Variants in TENT5D observed in about 807,000 individuals in gnomAD.
TENT5D encodes cancer/testis antigen 112.
For missense variants in TENT5D, 191 were observed against 287.0 expected (o/e 0.67, Z 2.42); for synonymous variants, 103 against 100.6 (o/e 1.02, Z -0.15).
At chrX:80,340,130 A>G (rs985954939) in intron 2 of TENT5D, among the ~76,000 whole-genome samples, 1 of 111,247 alleles carries the variant, frequency 9.0e-6, no homozygotes, top group African/African-American at 3.3e-5. Flanking sequence ...TGTAGGATTC[A>G]AAAATTCTTC....
chrX:80,395,924 C>T (rs1029595157), intron 3 of TENT5D, among the ~76,000 whole-genome samples: 1 of 106,356 alleles, frequency 9.4e-6, no homozygotes, highest in African/African-American at 3.4e-5. Context: ...TTCTTTTTAG[C>T]TTCCACATAT....
chrX:80,404,302 T>C (rs1931440996), intron 3 of TENT5D, among the ~76,000 whole-genome samples: 1 of 111,909 alleles, frequency 8.9e-6, no homozygotes, highest in Non-Finnish European at 1.9e-5. Flanking sequence ...CAATGTGATG[T>C]AATAAAGATA....
chrX:80,392,532 C>T (rs1270519525), intron 3 of TENT5D, among the ~76,000 whole-genome samples: 107 of 43,538 alleles, frequency 2.5e-3, no homozygotes, highest in African/African-American at 0.013. Context: ...TTTTTTGAGA[C>T]GGAGTCTCGC....
chrX:80,406,082 C>A (rs1330177362), intron 3 of TENT5D, among the ~76,000 whole-genome samples: 1 of 109,641 alleles, frequency 9.1e-6, no homozygotes, highest in Non-Finnish European at 1.9e-5. Flanking sequence ...AGGACATCCA[C>A]ACCAAAAACC....
At chrX:80,427,188 T>G (rs753198622) in intron 1 of TENT5D, among the ~76,000 whole-genome samples, 2 of 111,713 alleles carry the variant, frequency 1.8e-5, no homozygotes, top group African/African-American at 3.3e-5. Context: ...TGGTAACTCT[T>G]AGCAATTTTT....
At chrX:80,400,272 G>A (rs1156413627) in intron 3 of TENT5D, among the ~76,000 whole-genome samples, 1 of 111,855 alleles carries the variant, frequency 8.9e-6, no homozygotes, top group Non-Finnish European at 1.9e-5. Context: ...CCTTCTGAAT[G>A]TGTTCTTTAT....
chrX:80,415,388 A>T (rs1931749077), intron 3 of TENT5D, among the ~76,000 whole-genome samples: 3 of 111,868 alleles, frequency 2.7e-5, no homozygotes, highest in African/African-American at 9.8e-5. Flanking sequence ...TCTGGTTTGC[A>T]AGGGAAATCT....
intron 3 of TENT5D, among the ~76,000 whole-genome samples, chrX:80,385,770 A>T (rs1450501663): frequency 7.1e-5 from 8 of 112,533 alleles, no homozygotes; most frequent in Non-Finnish European, 1.1e-4. Flanking sequence ...AAGGATATGA[A>T]CAGACACTTC....
chrX:80,397,965 G>T (rs184727366), intron 3 of TENT5D, among the ~76,000 whole-genome samples: 1 of 110,866 alleles, frequency 9.0e-6, no homozygotes, highest in African/African-American at 3.3e-5. Context: ...GGGAGGGAGA[G>T]GGAGAGGGAG....
At chrX:80,387,819 C>T (rs754396650) in intron 3 of TENT5D, among the ~76,000 whole-genome samples, 49 of 111,755 alleles carry the variant, frequency 4.4e-4, no homozygotes, top group African/African-American at 1.4e-3. Flanking sequence ...TTCTGTCCTT[C>T]CCTTTAGGGC....
intron 3 of TENT5D, among the ~76,000 whole-genome samples, chrX:80,405,435 C>A (rs1268271873): frequency 1.8e-5 from 2 of 112,823 alleles, no homozygotes; most frequent in African/African-American, 3.2e-5. Context: ...GGCATTGCCT[C>A]ACCTGGGAAG....
At chrX:80,433,653 T>C (rs1188660181) in intron 1 of TENT5D, among the ~76,000 whole-genome samples, 3 of 111,944 alleles carry the variant, frequency 2.7e-5, no homozygotes, top group Non-Finnish European at 5.6e-5. Context: ...TTCGTGTTTA[T>C]AGGTGCCTAG....
chrX:80,357,088 A>G (rs950242854), intron 3 of TENT5D, among the ~76,000 whole-genome samples: 32 of 111,857 alleles, frequency 2.9e-4, no homozygotes, highest in African/African-American at 1.0e-3. Flanking sequence ...AAAGGACATG[A>G]ACTCATCATT....
chrX:80,341,812 C>T (rs1056395302), intron 2 of TENT5D, among the ~76,000 whole-genome samples: 6 of 103,763 alleles, frequency 5.8e-5, no homozygotes, highest in East Asian at 3.0e-4. Context: ...CCCGGGTTCA[C>T]GCCATTCTCC....
chrX:80,339,968 A>G (rs779580445), intron 2 of TENT5D, among the ~76,000 whole-genome samples: 3 of 109,745 alleles, frequency 2.7e-5, no homozygotes, highest in Non-Finnish European at 5.7e-5. Flanking sequence ...TTTCTCTTTG[A>G]CAGGAAACCT....
chrX:80,395,203 G>T (rs773606632), intron 3 of TENT5D, among the ~76,000 whole-genome samples: 6 of 111,857 alleles, frequency 5.4e-5, no homozygotes, highest in Non-Finnish European at 7.5e-5. Context: ...AGTTTCATTT[G>T]TTTTTATGGT....
At chrX:80,419,959 C>G (rs1345612326), upstream of TENT5D, among the ~76,000 whole-genome samples, 4 of 112,058 alleles carry the variant, frequency 3.6e-5, no homozygotes, top group African/African-American at 1.3e-4. Flanking sequence ...AAGTAATCCT[C>G]CAGCCTCAGC....
At chrX:80,441,164 G>A (rs1459074854) in intron 2 of TENT5D, among the ~76,000 whole-genome samples, 1 of 111,098 alleles carries the variant, frequency 9.0e-6, no homozygotes, top group Non-Finnish European at 1.9e-5. Flanking sequence ...CATTAAAGTG[G>A]CTTAAAACAA....
At chrX:80,406,374 A>C (rs1452378588) in intron 3 of TENT5D, among the ~76,000 whole-genome samples, 1 of 106,793 alleles carries the variant, frequency 9.4e-6, no homozygotes, top group African/African-American at 3.4e-5. Flanking sequence ...AGAATGTATA[A>C]CTAGAATAAC....
Sources: gnomAD v4.1 joint callset for allele counts (sites outside exome capture counted in the v4.1 genomes callset) on GRCh38, gnomAD v4.1.1 for gene constraint, MANE v1.5 for transcripts, NCBI Gene and HGNC (gene_info 2026-07-23, HGNC 2026-07-21) for gene names.